Variants in IRAG1 observed in about 807,000 individuals in gnomAD.
IRAG1 encodes inositol 1,4,5-triphosphate receptor associated 1.
Under a neutral mutation model 106.2 loss-of-function variants are expected in IRAG1, and 62 were observed. That is an observed-to-expected ratio of 0.58 (90% CI 0.48 to 0.72). The LOEUF (loss-of-function observed/expected upper bound fraction) is 0.72. IRAG1 is among the 30% of genes least tolerant of loss of function. The probability of loss-of-function intolerance (pLI) is 0.00; values close to 1 mark genes in which losing one functional copy is unlikely to be tolerated. For synonymous variants in IRAG1, 462 were observed against 443.9 expected, an observed-to-expected ratio of 1.04 and a Z score of -0.51; for missense variants, 1,064 against 1,140.7, an observed-to-expected ratio of 0.93 and a Z score of 0.97.
chr11:10,591,497 G>C, intron 18 of IRAG1, 51 bp downstream of exon 18: 2 of 1,496,558 alleles, frequency 1.3e-6, no homozygotes, highest in South Asian at 1.2e-5. Context: ...GTAAAATGGG[G>C]AAAATTTCCT....
chr11:10,581,311 C>A (rs547365100), intron 19 of IRAG1, among the ~76,000 whole-genome samples: 1 of 152,250 alleles, frequency 6.6e-6, no homozygotes, highest in African/African-American at 2.4e-5. Context: ...CATAGGGCAC[C>A]ATACATGGTT....
At chr11:10,633,662 C>G (rs1038713003) in intron 3 of IRAG1, among the ~76,000 whole-genome samples, 1 of 152,208 alleles carries the variant, frequency 6.6e-6, no homozygotes, top group Non-Finnish European at 1.5e-5. Context: ...GGGAACAAGT[C>G]CTTCTGGGGC....
At chr11:10,614,834 A>G (rs1855264807) in intron 10 of IRAG1, among the ~76,000 whole-genome samples, 1 of 152,188 alleles carries the variant, frequency 6.6e-6, no homozygotes. Context: ...AAACCTAAAA[A>G]CCCTAGAAGA....
intron 1 of IRAG1, among the ~76,000 whole-genome samples, chr11:10,681,172 C>T (rs993537747): frequency 1.3e-5 from 2 of 152,148 alleles, no homozygotes; most frequent in African/African-American, 4.8e-5. Flanking sequence ...TTTGTCACCA[C>T]CCACTACTCC....
chr11:10,654,823 GGGAA>G (rs1858794767), intron 1 of IRAG1, among the ~76,000 whole-genome samples: 1 of 152,192 alleles, frequency 6.6e-6, no homozygotes, highest in Admixed American at 6.5e-5. Flanking sequence ...GTGTCTAGTG[GGGAA>G]GATAAGACAG....
intron 11 of IRAG1, among the ~76,000 whole-genome samples, chr11:10,607,082 ATGTATG>A (rs1854540326): frequency 6.8e-6 from 1 of 146,638 alleles, no homozygotes; most frequent in Non-Finnish European, 1.5e-5. Flanking sequence ...GTACTCATGT[ATGTATG>A]TGTATGTGTT....
At chr11:10,613,601 G>C (rs1159278320) in intron 10 of IRAG1, among the ~76,000 whole-genome samples, 1 of 152,170 alleles carries the variant, frequency 6.6e-6, no homozygotes, top group Non-Finnish European at 1.5e-5. Context: ...TTAAGTCTAA[G>C]GCTAAATAAC....
intron 18 of IRAG1, among the ~76,000 whole-genome samples, chr11:10,582,301 C>T (rs534778378): frequency 5.9e-5 from 9 of 152,086 alleles, no homozygotes; most frequent in Non-Finnish European, 8.8e-5. Flanking sequence ...TGGGGGCAGA[C>T]CAGCACGTTT....
chr11:10,621,955 G>A (rs1855868600), intron 10 of IRAG1, among the ~76,000 whole-genome samples: 1 of 151,986 alleles, frequency 6.6e-6, no homozygotes, highest in South Asian at 2.1e-4. Flanking sequence ...GGGGAGGGAG[G>A]GAATAAAGAG....
intron 20 of IRAG1, among the ~76,000 whole-genome samples, chr11:10,577,315 C>T (rs1279121038): frequency 6.6e-6 from 1 of 152,128 alleles, no homozygotes; most frequent in East Asian, 1.9e-4. Context: ...TTCTCTATCC[C>T]TTTCATCTCT....
At position 10,665,154 on chromosome 11, in the gene IRAG1, G is replaced by A. The variant is rs1589944795; in HGVS notation, c.68-12972C>T. Among the ~76,000 whole-genome samples the A allele has an allele frequency of 7.5e-6, 1 of 134,166 alleles. No individual in the cohort carries two copies. The highest frequency in any genetic ancestry group is 1.6e-5 in the Non-Finnish European group (1 of 62,832). 88.0% of individuals were successfully genotyped at this position (134,166 alleles called of 152,430 possible). Reference sequence around the variant, plus strand: ...TAACCCTAACCCTAACCCTAACCCTGAGAGTTTAAGCTGGGAACTCAGATC... The same window carrying A: ...TAACCCTAACCCTAACCCTAACCCTAAGAGTTTAAGCTGGGAACTCAGATC... On this transcript the variant is annotated intron_variant, in intron 1 of 20. Coordinates refer to ENST00000423302, the MANE Select transcript of IRAG1 (RefSeq NM_130385.4). The surrounding 1 kb of genome is among the most constrained non-coding windows in gnomAD (Gnocchi z 4.2).
At position 10,665,004 on chromosome 11, in the gene IRAG1, C is replaced by A. The variant is rs139128347; in HGVS notation, c.68-12822G>T. Among the ~76,000 whole-genome samples the A allele has an allele frequency of 3.3e-3, 505 of 152,222 alleles. 2 individuals carry two copies. Among genetic ancestry groups the A allele is most frequent in the African/African-American group, 9.8e-3 (408 of 41,542 alleles). ...CCCTTTTTTCTTAAGCTGGCTTGTA[C>A]GAGCTTTTTTGGCACTTGCAATAAA... On this transcript the variant is annotated intron_variant, in intron 1 of 20. Coordinates refer to ENST00000423302, the MANE Select transcript of IRAG1 (RefSeq NM_130385.4). This position sits in a 1 kb window ranked among gnomAD's most constrained non-coding sequence, Gnocchi z 4.2.
intron 2 of IRAG1, among the ~76,000 whole-genome samples, chr11:10,642,789 T>C (rs1231360947): frequency 6.6e-6 from 1 of 152,206 alleles, no homozygotes; most frequent in Non-Finnish European, 1.5e-5. Context: ...CCCTGTCTTG[T>C]AGCCTGGAGG....
chr11:10,638,877 T>G (rs1330104198), intron 2 of IRAG1, among the ~76,000 whole-genome samples: 15 of 152,214 alleles, frequency 9.9e-5, no homozygotes, highest in Non-Finnish European at 2.2e-4. Flanking sequence ...TCTAACAGTT[T>G]CATATATTCA....
intron 18 of IRAG1, among the ~76,000 whole-genome samples, chr11:10,587,350 C>CA (rs1401025846): frequency 6.6e-6 from 1 of 152,076 alleles, no homozygotes; most frequent in Non-Finnish European, 1.5e-5. Context: ...GCAATATTTC[C>CA]AAGTCACCCC....
At chr11:10,658,128 G>C (rs1237731796) in intron 1 of IRAG1, among the ~76,000 whole-genome samples, 1 of 152,242 alleles carries the variant, frequency 6.6e-6, no homozygotes, top group Non-Finnish European at 1.5e-5. Flanking sequence ...CAGGAGATCT[G>C]CTGAAAGTGC....
chr11:10,669,866 T>C (rs1860083010), intron 1 of IRAG1, among the ~76,000 whole-genome samples: 1 of 152,188 alleles, frequency 6.6e-6, no homozygotes, highest in African/African-American at 2.4e-5. Flanking sequence ...GCAGGTGATT[T>C]ATAACTGCCT....
intron 18 of IRAG1, among the ~76,000 whole-genome samples, chr11:10,583,886 G>A (rs1169230693): frequency 1.3e-5 from 2 of 152,134 alleles, no homozygotes; most frequent in Non-Finnish European, 2.9e-5. Context: ...TCTATAAAGT[G>A]GAAGGCAAGG....
chr11:10,673,522 A>G (rs1860416894), intron 1 of IRAG1, among the ~76,000 whole-genome samples: 2 of 152,142 alleles, frequency 1.3e-5, no homozygotes, highest in South Asian at 2.1e-4. Flanking sequence ...GTGGCTGTTA[A>G]TAAGTGTGGG....
Sources: allele counts gnomAD v4.1 joint callset (sites outside exome capture counted in the v4.1 genomes callset), GRCh38; gene constraint gnomAD v4.1.1; non-coding constraint Gnocchi (gnomAD v3.1); transcripts MANE v1.5; gene names NCBI Gene and HGNC (gene_info 2026-07-23, HGNC 2026-07-21).